Variants in TADA2A observed in about 807,000 individuals in gnomAD.
TADA2A encodes the protein transcriptional adaptor 2A, also known as transcriptional adapter 2-alpha.
In TADA2A, 38 loss-of-function variants were observed where a neutral mutation model predicts 67.4. That is an observed-to-expected ratio of 0.56 (90% CI 0.44 to 0.74). The LOEUF (loss-of-function observed/expected upper bound fraction) is 0.74, where lower values mean the gene tolerates loss of function less well. Ranked by LOEUF, TADA2A falls within the 30% of genes least tolerant of loss-of-function variation. TADA2A has a pLI of 0.00. For missense variants in TADA2A, 454 were observed against 547.0 expected (o/e 0.83, Z 1.70); for synonymous variants, 192 against 181.6 (o/e 1.06, Z -0.46).
At position 37,421,829 on chromosome 17, in the gene TADA2A, T is replaced by C. The variant is rs947762437; in HGVS notation, c.26-1680T>C. Reference sequence around the variant, plus strand: ...AGTTTTCTCTTATTTGCCCCAACTTTTTATAGAAAAGTCAAAAGAACAGTA... The same window carrying C: ...AGTTTTCTCTTATTTGCCCCAACTTCTTATAGAAAAGTCAAAAGAACAGTA... On this transcript the variant is annotated intron_variant, in intron 2 of 15. Transcript: ENST00000615182. Among the ~76,000 whole-genome samples the C allele has an allele frequency of 2.5e-4, 29 of 117,244 alleles. 6 individuals carry two copies. Among genetic ancestry groups the C allele is most frequent in the Non-Finnish European group, 2.8e-4 (16 of 56,768 alleles). The allele number at this position is 117,244 out of a possible 152,430, so 76.9% of individuals were successfully genotyped here. A position where few individuals can be genotyped will look rare whatever the true frequency, so the allele number is the denominator to read the frequency against.
intron 4 of TADA2A, among the ~76,000 whole-genome samples, chr17:37,429,510 G>A (rs1019235623): frequency 6.6e-6 from 1 of 151,834 alleles, no homozygotes; most frequent in Non-Finnish European, 1.5e-5. Flanking sequence ...TCGAACTCAG[G>A]GGTTCAAGTT....
chr17:37,438,269 C>T (rs928301796), intron 5 of TADA2A, among the ~76,000 whole-genome samples: 5 of 152,162 alleles, frequency 3.3e-5, no homozygotes, highest in East Asian at 1.9e-4. Context: ...CTGTTTTTAG[C>T]TTTCAAACAC....
At chr17:37,455,718 A>G (rs775804660) in intron 8 of TADA2A, among the ~76,000 whole-genome samples, 15 of 152,112 alleles carry the variant, frequency 9.9e-5, no homozygotes, top group Non-Finnish European at 1.5e-4. Flanking sequence ...TTCATTTTCA[A>G]TTAAGGCAGA....
intron 8 of TADA2A, among the ~76,000 whole-genome samples, chr17:37,449,599 T>A (rs2053176954): frequency 6.6e-6 from 1 of 150,394 alleles, no homozygotes; most frequent in African/African-American, 2.5e-5. Context: ...GTACAATACT[T>A]AGCTGTCTTT....
chr17:37,451,755 G>T (rs552249041), intron 8 of TADA2A, among the ~76,000 whole-genome samples: 1 of 152,038 alleles, frequency 6.6e-6, no homozygotes, highest in Admixed American at 6.5e-5. Context: ...AGGCCGAGAC[G>T]GGCAGATCAC....
intron 3 of TADA2A, chr17:37,426,543 C>CT (rs2052410032): frequency 6.5e-6 from 1 of 153,342 alleles, no homozygotes; most frequent in Non-Finnish European, 1.4e-5. Context: ...TGCCGGCTGC[C>CT]TGTAATCCCA....
chr17:37,448,212 G>A (rs2053134685), intron 8 of TADA2A, among the ~76,000 whole-genome samples: 1 of 152,166 alleles, frequency 6.6e-6, no homozygotes, highest in Admixed American at 6.5e-5. Flanking sequence ...AATATTGGCT[G>A]ATGCCACCAA....
intron 8 of TADA2A, among the ~76,000 whole-genome samples, chr17:37,455,789 A>G (rs1333540327): frequency 1.3e-5 from 2 of 152,162 alleles, no homozygotes; most frequent in Non-Finnish European, 2.9e-5. Context: ...TGTTTTTCCT[A>G]CTTAATACTC....
chr17:37,414,448 C>G (rs1432939566), intron 2 of TADA2A, among the ~76,000 whole-genome samples: 2 of 152,106 alleles, frequency 1.3e-5, no homozygotes, highest in South Asian at 4.1e-4. Flanking sequence ...GAATCAGCCA[C>G]TTCTCTGAGG....
intron 2 of TADA2A, among the ~76,000 whole-genome samples, chr17:37,419,772 CTG>C (rs1245055377): frequency 5.8e-5 from 5 of 86,274 alleles, no homozygotes; most frequent in Non-Finnish European, 1.1e-4. Context: ...GAGTGAGACA[CTG>C]TCTCAAAAAA....
chr17:37,457,960 T>G (rs899547253), intron 8 of TADA2A, among the ~76,000 whole-genome samples: 1 of 152,198 alleles, frequency 6.6e-6, no homozygotes, highest in Non-Finnish European at 1.5e-5. Flanking sequence ...GGGGTACATA[T>G]GCAGGTATAT....
chr17:37,419,940 A>G (rs2052179602), intron 2 of TADA2A, among the ~76,000 whole-genome samples: 1 of 145,110 alleles, frequency 6.9e-6, no homozygotes, highest in Admixed American at 7.0e-5. Context: ...GCCTGAATCC[A>G]GGAGGTGGAG....
At chr17:37,455,160 A>G (rs917372671) in intron 8 of TADA2A, among the ~76,000 whole-genome samples, 5 of 152,194 alleles carry the variant, frequency 3.3e-5, no homozygotes, top group African/African-American at 4.8e-5. Flanking sequence ...TTCAGATTCT[A>G]TTGCAATCAT....
Position 37,474,598 on chromosome 17 carries a change from G to A in TADA2A, c.1115G>A (p.Gly372Asp), listed in dbSNP as rs2053855524. The A allele has an allele frequency of 6.2e-7, 1 of 1,613,292 alleles. No individual in the cohort carries two copies. Among genetic ancestry groups the A allele is most frequent in the Admixed American group, 1.7e-5 (1 of 59,900 alleles). The change falls in exon 15 of 16, where the codon GGC becomes GAC. Residue 372 changes from glycine (G) to aspartate (D), a missense_variant. Gly to Asp is a moderately conservative substitution (Grantham distance 94, BLOSUM62 -1). Around this residue, in one of 2 missense-constraint regions of TADA2A, gnomAD observed 51 missense variants for 91.5 expected, o/e 0.56. Coordinates refer to ENST00000615182, the MANE Select transcript of TADA2A (RefSeq NM_001166105.3). ...CCCTTGAACCTCACTGGCCTCCCTG[G>A]CACAGAGAAGCTGAATGAAAAAGAA... ...APPLNLTGLP[G>D]TEKLNEKEKE...
At chr17:37,474,484 C>CT in intron 14 of TADA2A, 72 bp from the exon 15 acceptor site, 1 of 1,502,760 alleles carries the variant, frequency 6.7e-7, no homozygotes, top group East Asian at 2.3e-5. Flanking sequence ...CTGCACTGAA[C>CT]TTTTTAATAC....
chr17:37,411,461 T>A, intron 2 of TADA2A, 71 bp downstream of exon 2: 2 of 1,421,360 alleles, frequency 1.4e-6, no homozygotes, highest in Non-Finnish European at 2.0e-6. Context: ...CTCCCTCTGT[T>A]GCCCAGGCTG....
intron 14 of TADA2A, among the ~76,000 whole-genome samples, chr17:37,471,432 C>T (rs1293001231): frequency 6.6e-6 from 1 of 152,176 alleles, no homozygotes; most frequent in Non-Finnish European, 1.5e-5. Flanking sequence ...TAGTTTACTG[C>T]AGTTGTGTCT....
Position 37,463,978 on chromosome 17 carries a change from A to G in TADA2A, c.713-1453A>G, listed in dbSNP as rs576009227. 2.7e-5 allele frequency among the ~76,000 whole-genome samples: 4 copies of G among 146,820 alleles called. No homozygotes were observed. In the South Asian group the frequency reaches 8.5e-4, roughly 31 times the overall value. On this transcript the variant is annotated intron_variant, in intron 10 of 15. Transcript: ENST00000615182. ...AAAAAAAATAAAAAGGTAAGCTAGG[A>G]AAAAAAAAAATAGCTGTCATAAATG...
At chr17:37,465,301 T>C (rs2053639728) in intron 10 of TADA2A, 130 bp from the exon 11 acceptor site, 3 of 667,842 alleles carry the variant, frequency 4.5e-6, no homozygotes, top group African/African-American at 3.6e-5. Flanking sequence ...CTTCCTGTCA[T>C]GGATAAGTTA....
Sources: allele counts gnomAD v4.1 joint callset (sites outside exome capture counted in the v4.1 genomes callset), GRCh38; gene constraint gnomAD v4.1.1; regional missense constraint gnomAD v4.1.1; transcripts MANE v1.5; gene names NCBI Gene and HGNC (gene_info 2026-07-23, HGNC 2026-07-21).